The following GLRA2 variants were observed in gnomAD, a reference collection of about 807,000 sequenced individuals.
The protein encoded by GLRA2 is glycine receptor subunit alpha-2.
A neutral mutation model predicts 31.6 loss-of-function variants in GLRA2; 11 were observed. The observed-to-expected ratio is 0.35, with a 90% CI of 0.22 to 0.58. GLRA2 has a LOEUF of 0.58. GLRA2 is among the 20% of genes least tolerant of loss of function. The probability of loss-of-function intolerance (pLI) is 0.84; values close to 1 mark genes in which losing one functional copy is unlikely to be tolerated. For missense variants in GLRA2, 212 were observed against 351.8 expected, an observed-to-expected ratio of 0.60 and a Z score of 3.18; for synonymous variants, 132 against 134.0, an observed-to-expected ratio of 0.99 and a Z score of 0.10.
At chrX:14,703,586 C>T (rs1459847764) in intron 8 of GLRA2, among the ~76,000 whole-genome samples, 2 of 111,762 alleles carry the variant, frequency 1.8e-5, no homozygotes, top group African/African-American at 6.5e-5. Flanking sequence ...AGGACACAGA[C>T]ATCTTTGGTA....
In GLRA2 at chrX:14,730,446, A is replaced by C. The variant is rs765713963; in HGVS notation, c.1320A>C (p.Thr440=). 3.3e-6 allele frequency: 4 copies of C among 1,207,381 alleles called. No homozygotes were observed. Among genetic ancestry groups the C allele is most frequent in the Admixed American group, 2.2e-5 (1 of 45,950 alleles). ...FLIFNIFYWI[T]YKIIRHEDVH... is the part of the protein sequence containing the mutation. ...TTTTCAACATCTTTTACTGGATCACATACAAGATCATTCGGCATGAAGATG... is the reference window on the plus strand; with the variant it reads ...TTTTCAACATCTTTTACTGGATCACCTACAAGATCATTCGGCATGAAGATG... The change falls in exon 9 of 9, where the codon ACA becomes ACC. Residue 440 remains threonine (T), a synonymous_variant. Coordinates refer to ENST00000218075, the MANE Select transcript of GLRA2 (RefSeq NM_002063.4).
intron 7 of GLRA2, among the ~76,000 whole-genome samples, chrX:14,646,908 G>A (rs1036744794): frequency 4.5e-5 from 5 of 111,886 alleles, no homozygotes; most frequent in Admixed American, 9.5e-5. Flanking sequence ...CCTTCTTGCC[G>A]TATGTGTCCC....
At chrX:14,489,161 A>G in the GLRA2 span, among the ~76,000 whole-genome samples, 1 of 112,285 alleles carries the variant, frequency 8.9e-6, no homozygotes, top group Non-Finnish European at 1.9e-5. Context: ...AAACTTATAC[A>G]AGATAATTTA....
At chrX:14,705,802 T>G (rs781579232) in intron 8 of GLRA2, among the ~76,000 whole-genome samples, 49 of 112,063 alleles carry the variant, frequency 4.4e-4, no homozygotes, top group Non-Finnish European at 1.3e-4. Context: ...ATGAATTTTG[T>G]TGGGTGTATG....
In GLRA2 at chrX:14,581,179, G is replaced by A. The variant is rs1404633817; in HGVS notation, c.271-4G>A. The stretch of plus-strand genomic sequence containing the variant: ...AGTAACACTTGTCCACGGCATTTCT[G>A]TAGGACTACCGAGTGAATATTTTTC... On this transcript the variant is annotated splice_region_variant and splice_polypyrimidine_tract_variant and intron_variant, in intron 3 of 8. Coordinates refer to ENST00000218075, the MANE Select transcript of GLRA2 (RefSeq NM_002063.4). 1.8e-6 allele frequency: 2 copies of A among 1,102,053 alleles called. No homozygotes were observed. Among genetic ancestry groups the A allele is most frequent in the Admixed American group, 2.2e-5 (1 of 45,897 alleles). 90.8% of individuals were successfully genotyped at this position (1,102,053 alleles called of 1,213,427 possible).
At chrX:14,457,144 T>C in the GLRA2 span, among the ~76,000 whole-genome samples, 1 of 111,893 alleles carries the variant, frequency 8.9e-6, no homozygotes. Context: ...TTTTTTCAAA[T>C]ATTTCTTGGC....
intron 7 of GLRA2, among the ~76,000 whole-genome samples, chrX:14,667,570 T>C (rs2091048332): frequency 1.8e-5 from 2 of 112,170 alleles, no homozygotes; most frequent in South Asian, 7.4e-4. Context: ...GCTACTTTTA[T>C]ACATGTTCAA....
intron 7 of GLRA2, among the ~76,000 whole-genome samples, chrX:14,672,828 T>G (rs1245186312): frequency 9.0e-6 from 1 of 111,717 alleles, no homozygotes; most frequent in Non-Finnish European, 1.9e-5. Context: ...CAGTTTCACT[T>G]TGAATAGTAT....
At chrX:14,578,803 A>T (rs1601729618) in intron 3 of GLRA2, among the ~76,000 whole-genome samples, 1 of 111,405 alleles carries the variant, frequency 9.0e-6, no homozygotes, top group South Asian at 3.8e-4. Context: ...CTTTCCCATA[A>T]GTTTGGGCCA....
At position 14,730,725 on chromosome X, in the gene GLRA2, TC is replaced by T. The variant is rs1210340104; in HGVS notation, c.*241del. ...GGAGCATAATAATTCCCTTCCATAA[TC>T]TTTAGCATTGTTCTTTCAGTCAGAC... On this transcript the variant is annotated 3_prime_UTR_variant, in exon 9 of 9. Coordinates refer to ENST00000218075, the MANE Select transcript of GLRA2 (RefSeq NM_002063.4). 5 of 365,948 alleles carry T rather than the reference TC, an allele frequency of 1.4e-5. No homozygotes were observed. The highest frequency in any genetic ancestry group is 1.9e-5 in the Non-Finnish European group (4 of 208,944). 30.2% of individuals were successfully genotyped at this position (365,948 alleles called of 1,213,427 possible).
the GLRA2 span, among the ~76,000 whole-genome samples, chrX:14,516,094 G>A: frequency 9.0e-6 from 1 of 111,535 alleles, no homozygotes; most frequent in Admixed American, 9.5e-5. Context: ...GTCAAGTTTT[G>A]AATATGCATG....
intron 8 of GLRA2, among the ~76,000 whole-genome samples, chrX:14,726,649 A>AATT (rs2091932526): frequency 8.9e-6 from 1 of 112,567 alleles, no homozygotes. Context: ...ACGATGTACA[A>AATT]TATAATGAGA....
intron 2 of GLRA2, among the ~76,000 whole-genome samples, chrX:14,548,001 T>A (rs1014664011): frequency 8.9e-6 from 1 of 112,112 alleles, no homozygotes; most frequent in Non-Finnish European, 1.9e-5. Context: ...AATCTCAGAA[T>A]CTGTACCAAT....
the GLRA2 span, among the ~76,000 whole-genome samples, chrX:14,470,450 G>A: frequency 2.2e-4 from 24 of 111,492 alleles, no homozygotes; most frequent in East Asian, 6.4e-3. Context: ...TTTGACTCTA[G>A]GAATTAAAAC....
upstream of GLRA2, among the ~76,000 whole-genome samples, chrX:14,524,773 A>G (rs1032334231): frequency 5.5e-5 from 6 of 109,659 alleles, no homozygotes; most frequent in African/African-American, 1.7e-4. Context: ...TGTGTATCTT[A>G]ATATAATAGT....
At chrX:14,690,270 CTAAT>C (rs1457142049) in intron 7 of GLRA2, among the ~76,000 whole-genome samples, 4 of 111,608 alleles carry the variant, frequency 3.6e-5, no homozygotes, top group Non-Finnish European at 7.5e-5. Context: ...TTTTTCTTGT[CTAAT>C]TAAGAGAATA....
intron 7 of GLRA2, among the ~76,000 whole-genome samples, chrX:14,682,705 C>T: frequency 1.1e-5 from 1 of 91,442 alleles, no homozygotes; most frequent in Non-Finnish European, 2.2e-5. Context: ...TCCCCCTCCC[C>T]CCACCCCACG....
At chrX:14,661,464 A>G (rs1305531340) in intron 7 of GLRA2, among the ~76,000 whole-genome samples, 1 of 112,207 alleles carries the variant, frequency 8.9e-6, no homozygotes, top group Non-Finnish European at 1.9e-5. Context: ...AGTCTAAAGT[A>G]AAAGGTCAGG....
chrX:14,451,495 C>A, the GLRA2 span, among the ~76,000 whole-genome samples: 3 of 108,671 alleles, frequency 2.8e-5, no homozygotes, highest in Non-Finnish European at 5.7e-5. Context: ...CCAAGCAAGG[C>A]AGTGTGCGCC....
Sources: allele counts gnomAD v4.1 joint callset (sites outside exome capture counted in the v4.1 genomes callset), GRCh38; gene constraint gnomAD v4.1.1; transcripts MANE v1.5; gene names NCBI Gene and HGNC (gene_info 2026-07-23, HGNC 2026-07-21).